Variants in FAM167A observed in about 807,000 individuals in gnomAD.
FAM167A encodes the protein family with sequence similarity 167 member A, also known as protein FAM167A.
FAM167A carries 23 observed loss-of-function variants against 14.9 expected under a neutral mutation model. The observed-to-expected ratio is 1.55, with a 90% CI of 1.11 to 2.19. The LOEUF is 2.19. Among genes scored for constraint, FAM167A ranks in the 30% most tolerant of loss-of-function variants. The pLI is 0.00. For synonymous variants in FAM167A, 174 were observed against 117.7 expected (o/e 1.48, Z -3.10); for missense variants, 401 against 281.5 (o/e 1.42, Z -3.04).
intron 2 of FAM167A, among the ~76,000 whole-genome samples, chr8:11,442,911 T>G (rs1373994133): frequency 6.6e-6 from 1 of 152,194 alleles, no homozygotes; most frequent in East Asian, 1.9e-4. Context: ...CCCTGAGCCC[T>G]GCCCCACTCC....
At chr8:11,438,460 A>G (rs776441006) in intron 2 of FAM167A, 5 of 457,226 alleles carry the variant, frequency 1.1e-5, no homozygotes, top group South Asian at 7.8e-5. Context: ...CAGAAGTACA[A>G]GGTGAAGAAT....
intron 2 of FAM167A, among the ~76,000 whole-genome samples, chr8:11,433,601 A>C (rs1416569864): frequency 6.6e-6 from 1 of 152,176 alleles, no homozygotes; most frequent in Non-Finnish European, 1.5e-5. Flanking sequence ...CCAGAGGCGA[A>C]AGAGTGCGTG....
intron 1 of FAM167A, among the ~76,000 whole-genome samples, chr8:11,448,782 C>T (rs574727641): frequency 1.3e-5 from 2 of 152,370 alleles, no homozygotes; most frequent in African/African-American, 4.8e-5. Context: ...CCACCCTGTG[C>T]TCTCTGCATG....
intron 1 of FAM167A, among the ~76,000 whole-genome samples, chr8:11,448,083 A>G (rs1454815599): frequency 6.6e-6 from 1 of 152,148 alleles, no homozygotes; most frequent in Non-Finnish European, 1.5e-5. Flanking sequence ...AATCCCAGCT[A>G]CTTGGGAGAC....
At chr8:11,452,039 T>C (rs1807046157) in intron 1 of FAM167A, among the ~76,000 whole-genome samples, 2 of 152,258 alleles carry the variant, frequency 1.3e-5, no homozygotes, top group South Asian at 4.1e-4. Flanking sequence ...TGTCATAAAA[T>C]GTCATGACAA....
rs186226992 is a variant in FAM167A, at chr8:11,422,084, C to T, written c.*2289G>A. On this transcript the variant is annotated 3_prime_UTR_variant, in exon 3 of 3. Transcript: ENST00000284486. ...ATAGCTCAGACATTTAACTTATCCC[C>T]AAACATGTGTCTTGATCTTAGTTTC... 9 of 348,092 alleles carry T rather than the reference C, an allele frequency of 2.6e-5. No homozygotes were observed. Among genetic ancestry groups the T allele is most frequent in the African/African-American group, 1.3e-4 (6 of 47,594 alleles). The allele number at this position is 348,092 out of a possible 1,614,324, so 21.6% of individuals were successfully genotyped here.
At chr8:11,473,143 A>G (rs571467085) in intron 1 of FAM167A, among the ~76,000 whole-genome samples, 12 of 152,304 alleles carry the variant, frequency 7.9e-5, no homozygotes, top group East Asian at 7.7e-4. Flanking sequence ...GGGAAGCCCA[A>G]TGTCTTCTCC....
At chr8:11,439,904 G>T (rs561219083) in intron 2 of FAM167A, among the ~76,000 whole-genome samples, 9 of 152,286 alleles carry the variant, frequency 5.9e-5, no homozygotes, top group African/African-American at 2.2e-4. Flanking sequence ...CCAGGGAGTT[G>T]GCTGATGGAC....
At chr8:11,468,217 C>T (rs958371404), upstream of FAM167A, among the ~76,000 whole-genome samples, 6 of 152,240 alleles carry the variant, frequency 3.9e-5, no homozygotes, top group East Asian at 1.9e-4. Flanking sequence ...AGGCCTTCAA[C>T]GCCCCCAGTC....
At chr8:11,445,643 G>C (rs1331276256) in intron 1 of FAM167A, 5 of 980,314 alleles carry the variant, frequency 5.1e-6, no homozygotes, top group African/African-American at 1.7e-5. Context: ...ATAAGCCCCA[G>C]CTCCTACCCC....
intron 1 of FAM167A, among the ~76,000 whole-genome samples, chr8:11,475,308 T>C (rs778869391): frequency 6.6e-6 from 1 of 152,114 alleles, no homozygotes; most frequent in Non-Finnish European, 1.5e-5. Context: ...GCTCACAGAG[T>C]TGAAGGACTT....
At chr8:11,447,975 C>T (rs1806859152) in intron 1 of FAM167A, among the ~76,000 whole-genome samples, 2 of 152,184 alleles carry the variant, frequency 1.3e-5, no homozygotes, top group South Asian at 4.1e-4. Flanking sequence ...GCGGGTGGAT[C>T]ACGAGGTCAA....
chr8:11,424,954 G>C (rs1218109020), intron 2 of FAM167A, among the ~76,000 whole-genome samples: 2 of 152,146 alleles, frequency 1.3e-5, no homozygotes, highest in African/African-American at 2.4e-5. Context: ...TGGAGTAAGA[G>C]TATAAAGGAA....
intron 1 of FAM167A, among the ~76,000 whole-genome samples, chr8:11,458,951 G>A (rs1212405985): frequency 1.3e-5 from 2 of 152,256 alleles, no homozygotes; most frequent in Non-Finnish European, 2.9e-5. Flanking sequence ...CTGGGCTTCA[G>A]GAGGGCGAAT....
At chr8:11,438,059 G>A (rs539429946) in intron 2 of FAM167A, 1 of 416,272 alleles carries the variant, frequency 2.4e-6, no homozygotes, top group East Asian at 7.2e-5. Context: ...ACAAAGACAG[G>A]AGCCCTGACC....
At chr8:11,472,022 T>G (rs933607796), upstream of FAM167A, among the ~76,000 whole-genome samples, 4 of 152,234 alleles carry the variant, frequency 2.6e-5, no homozygotes, top group Non-Finnish European at 5.9e-5. Context: ...TAAAGGCATA[T>G]TTGTCAAGGC....
At chr8:11,444,901 C>A in intron 1 of FAM167A, 93 bp from the exon 2 acceptor site, 1 of 937,952 alleles carries the variant, frequency 1.1e-6, no homozygotes, top group African/African-American at 1.8e-5. Context: ...AACTGAGGCT[C>A]AGAGTGGACT....
chr8:11,440,040 C>T (rs60320871), intron 2 of FAM167A, among the ~76,000 whole-genome samples: 11 of 152,230 alleles, frequency 7.2e-5, no homozygotes, highest in African/African-American at 2.6e-4. Context: ...GCCCTCCCCC[C>T]ACTCCCACCC....
intron 1 of FAM167A, among the ~76,000 whole-genome samples, chr8:11,458,716 G>C (rs185105674): frequency 6.6e-6 from 1 of 152,094 alleles, no homozygotes; most frequent in Admixed American, 6.5e-5. Context: ...TAAGCTTGGA[G>C]TTTCCAGAGT....
Sources: allele counts gnomAD v4.1 joint callset (sites outside exome capture counted in the v4.1 genomes callset), GRCh38; gene constraint gnomAD v4.1.1; transcripts MANE v1.5; gene names NCBI Gene and HGNC (gene_info 2026-07-23, HGNC 2026-07-21).